Variants in PIWIL1 observed in about 807,000 individuals in gnomAD.
PIWIL1 encodes the protein piwi-like protein 1.
A neutral mutation model predicts 114.4 loss-of-function variants in PIWIL1; 73 were observed. That is an observed-to-expected ratio of 0.64 (90% CI 0.53 to 0.78). The LOEUF (loss-of-function observed/expected upper bound fraction) is 0.78, where lower values mean the gene tolerates loss of function less well. PIWIL1 is among the 30% of genes least tolerant of loss of function. The probability of loss-of-function intolerance (pLI) is 0.00; values close to 1 mark genes in which losing one functional copy is unlikely to be tolerated. For synonymous variants in PIWIL1, 375 were observed against 369.0 expected (o/e 1.02, Z -0.19); for missense variants, 723 against 1,063.1 (o/e 0.68, Z 4.45).
chr12:130,409,679 G>C, the PIWIL1 span, among the ~76,000 whole-genome samples: 1 of 152,048 alleles, frequency 6.6e-6, no homozygotes, highest in African/African-American at 2.4e-5. Context: ...CTTTCATCTG[G>C]ATGACGCCTC....
chr12:130,422,383 T>C, the PIWIL1 span: 1 of 1,107,624 alleles, frequency 9.0e-7, no homozygotes, highest in African/African-American at 1.5e-5. This position sits in a 1 kb window ranked among gnomAD's most constrained non-coding sequence, Gnocchi z 5.2. Flanking sequence ...GTTTTGTTCA[T>C]GCTTAGATGG....
intron 1 of PIWIL1, among the ~76,000 whole-genome samples, chr12:130,339,985 G>A (rs534412551): frequency 6.6e-6 from 1 of 152,208 alleles, no homozygotes; most frequent in African/African-American, 2.4e-5. Context: ...GTCAAGCGAC[G>A]GACTGGGTGC....
chr12:130,425,247 AG>A, the PIWIL1 span: 1 of 171,078 alleles, frequency 5.8e-6, no homozygotes, highest in East Asian at 1.6e-4. Flanking sequence ...CTACATCCTC[AG>A]AAACCCTGAG....
the PIWIL1 span, among the ~76,000 whole-genome samples, chr12:130,409,332 CTTTTTTTTTTT>C: frequency 3.1e-5 from 2 of 65,384 alleles, no homozygotes; most frequent in Admixed American, 2.2e-4. Context: ...CAAAATGTAG[CTTTTTTTTTTT>C]TTTTTTTTTT....
chr12:130,342,818 G>T, intron 2 of PIWIL1, 149 bp downstream of exon 2: 1 of 747,908 alleles, frequency 1.3e-6, no homozygotes, highest in South Asian at 1.7e-5. Context: ...ATTAGAAGCT[G>T]ATTCGTGACT....
At chr12:130,381,336 TC>T in the PIWIL1 span, among the ~76,000 whole-genome samples, 1 of 152,130 alleles carries the variant, frequency 6.6e-6, no homozygotes, top group Non-Finnish European at 1.5e-5. Flanking sequence ...CATTTCTCCC[TC>T]CCCTCCAACC....
At chr12:130,399,124 A>G in the PIWIL1 span, 1 of 1,395,230 alleles carries the variant, frequency 7.2e-7, no homozygotes, top group Non-Finnish European at 9.4e-7. Context: ...CGTGAAGGCT[A>G]CATTGCCTGA....
chr12:130,339,955 C>G (rs1015543646), intron 1 of PIWIL1, among the ~76,000 whole-genome samples: 1 of 152,184 alleles, frequency 6.6e-6, no homozygotes, highest in Non-Finnish European at 1.5e-5. Context: ...ATCACTGTTT[C>G]ACACCGTTGT....
chr12:130,355,687 G>GTGT lies in PIWIL1; in HGVS notation c.1404+31_1404+33dup, dbSNP rs532198358. ...AAAACAGTAAGGCAGTTTTTCGTTG[G>GTGT]TGTTGTTGTTGTTTTTGAGACGGAG... On this transcript the variant is annotated intron_variant, in intron 12 of 20. Transcript: ENST00000245255. 6.5e-7 allele frequency: 1 copy of GTGT among 1,534,448 alleles called. No homozygotes were observed. The highest frequency in any genetic ancestry group is 1.4e-5 in the African/African-American group (1 of 73,480).
At chr12:130,413,400 C>T in the PIWIL1 span, among the ~76,000 whole-genome samples, 4 of 151,796 alleles carry the variant, frequency 2.6e-5, no homozygotes, top group Non-Finnish European at 5.9e-5. Context: ...GAGGCCAAGG[C>T]GGGCAGATCA....
downstream of PIWIL1, among the ~76,000 whole-genome samples, chr12:130,374,321 T>C (rs566832444): frequency 1.3e-5 from 2 of 152,348 alleles, no homozygotes; most frequent in South Asian, 4.1e-4. Context: ...AGTCTTCAGA[T>C]ATTTCGTACA....
In PIWIL1 at chr12:130,362,983, T is replaced by G. The variant is rs777229601; in HGVS notation, c.2042-8T>G. 3 of 1,613,434 alleles carry G rather than the reference T, an allele frequency of 1.9e-6. No individual in the cohort carries two copies. Among genetic ancestry groups the G allele is most frequent in the Non-Finnish European group, 2.5e-6 (3 of 1,179,464 alleles). On this transcript the variant is annotated splice_polypyrimidine_tract_variant and splice_region_variant and intron_variant, in intron 17 of 20. Coordinates refer to ENST00000245255, the MANE Select transcript of PIWIL1 (RefSeq NM_004764.5). ...GAATTGACATAAAACTTCTCTGGCC[T>G]GTTTCAGCGGCTCTGAGGGCTTGGA...
the PIWIL1 span, among the ~76,000 whole-genome samples, chr12:130,391,929 T>A: frequency 6.6e-6 from 1 of 150,842 alleles, no homozygotes; most frequent in Admixed American, 6.6e-5. Flanking sequence ...GAATATTCAA[T>A]GTGATGACCC....
At chr12:130,344,132 C>T (rs1035756998) in intron 3 of PIWIL1, among the ~76,000 whole-genome samples, 1 of 152,200 alleles carries the variant, frequency 6.6e-6, no homozygotes, top group Non-Finnish European at 1.5e-5. Context: ...CTGATTTCAT[C>T]ATTGTTTATA....
the PIWIL1 span, among the ~76,000 whole-genome samples, chr12:130,406,705 A>T: frequency 6.6e-6 from 1 of 152,238 alleles, no homozygotes; most frequent in East Asian, 1.9e-4. Context: ...GGAGTGCAGC[A>T]GTGCAACCTC....
In PIWIL1 at chr12:130,349,470, T is replaced by C. The variant is rs758075501; in HGVS notation, c.932+34T>C. 3.5e-6 allele frequency: 5 copies of C among 1,431,842 alleles called. No homozygotes were observed. The East Asian group carries it at 1.1e-4, about 33-fold the overall frequency. The allele number at this position is 1,431,842 out of a possible 1,614,324, so 88.7% of individuals were successfully genotyped here. A position where few individuals can be genotyped will look rare whatever the true frequency, so the allele number is the denominator to read the frequency against. On this transcript the variant is annotated intron_variant, in intron 8 of 20. Coordinates refer to ENST00000245255, the MANE Select transcript of PIWIL1 (RefSeq NM_004764.5). ...GCTTTTTAAAGTGCACAATAATTTT[T>C]TGTGAGTCAAAGTATTGTGGCTTTC... is the stretch of plus-strand genomic sequence containing the variant.
At chr12:130,369,849 GA>G (rs1392005398) in intron 19 of PIWIL1, among the ~76,000 whole-genome samples, 5 of 152,146 alleles carry the variant, frequency 3.3e-5, no homozygotes, top group Admixed American at 3.3e-4. Context: ...TGTTCACTCT[GA>G]TGATAGTTTC....
chr12:130,361,629 G>A (rs1367609974), intron 16 of PIWIL1, 28 bp downstream of exon 16: 13 of 1,559,678 alleles, frequency 8.3e-6, no homozygotes, highest in African/African-American at 1.4e-5. Context: ...ACTGTGGGTG[G>A]CAGTGAGGAC....
At chr12:130,407,289 G>C in the PIWIL1 span, among the ~76,000 whole-genome samples, 1 of 152,122 alleles carries the variant, frequency 6.6e-6, no homozygotes, top group Non-Finnish European at 1.5e-5. Flanking sequence ...AAGACACCAG[G>C]CATCCCAAGC....
Sources: gnomAD v4.1 joint callset for allele counts (sites outside exome capture counted in the v4.1 genomes callset) on GRCh38, gnomAD v4.1.1 for gene constraint, Gnocchi (gnomAD v3.1) non-coding constraint, MANE v1.5 for transcripts, NCBI Gene and HGNC (gene_info 2026-07-23, HGNC 2026-07-21) for gene names.